The following GMDS variants were observed in gnomAD, a reference collection of about 807,000 sequenced individuals.
GMDS encodes the protein GDP-mannose 4,6 dehydratase.
A neutral mutation model predicts 49.9 loss-of-function variants in GMDS; 20 were observed. That is an observed-to-expected ratio of 0.40 (90% confidence interval 0.28 to 0.58). The LOEUF is 0.58. Ranked by LOEUF, GMDS falls within the 20% of genes least tolerant of loss-of-function variation. GMDS has a pLI of 0.42. For missense variants in GMDS, 362 were observed against 481.4 expected (o/e 0.75, Z 2.32); for synonymous variants, 177 against 178.6 (o/e 0.99, Z 0.07).
At chr6:2,018,736 T>A (rs1391311751) in intron 4 of GMDS, among the ~76,000 whole-genome samples, 4 of 152,224 alleles carry the variant, frequency 2.6e-5, no homozygotes, top group African/African-American at 9.6e-5. Context: ...TATCCATCAA[T>A]AAATGAACAT....
At chr6:2,055,670 A>G (rs530148184) in intron 4 of GMDS, among the ~76,000 whole-genome samples, 5 of 152,240 alleles carry the variant, frequency 3.3e-5, no homozygotes, top group South Asian at 4.1e-4. Flanking sequence ...TCCTTGCCAC[A>G]TTACCTAAAA....
At chr6:2,175,443 A>G (rs912153625) in intron 1 of GMDS, among the ~76,000 whole-genome samples, 25 of 152,224 alleles carry the variant, frequency 1.6e-4, no homozygotes, top group African/African-American at 5.8e-4. Flanking sequence ...TTACTATGTA[A>G]AAACTGTTAA....
At chr6:2,182,993 C>A (rs539473881) in intron 1 of GMDS, among the ~76,000 whole-genome samples, 11 of 152,280 alleles carry the variant, frequency 7.2e-5, no homozygotes, top group Non-Finnish European at 8.8e-5. Flanking sequence ...CAGGTGTGAG[C>A]CACCACGCCC....
rs1345916505 is a variant in GMDS at position 1,989,565 on chromosome 6, A to G, written c.346-28599T>C. ...TCTGCAGATTTGTAAGGAAAAATCC[A>G]AAAGACTTTGTTTAATCTTTGAAAC... On this transcript the variant is annotated intron_variant, in intron 4 of 10. Coordinates refer to ENST00000380815, the MANE Select transcript of GMDS (RefSeq NM_001500.4). Among the ~76,000 whole-genome samples, 4 of 152,236 alleles carry G rather than the reference A, an allele frequency of 2.6e-5. No individual in the cohort carries two copies. The East Asian group carries it at 7.7e-4, about 29-fold the overall frequency.
At chr6:1,949,370 C>T (rs968885489) in intron 6 of GMDS, among the ~76,000 whole-genome samples, 13 of 151,892 alleles carry the variant, frequency 8.6e-5, no homozygotes, top group African/African-American at 2.4e-5. Context: ...ATATATACTG[C>T]GTGGCTATAT....
intron 7 of GMDS, among the ~76,000 whole-genome samples, chr6:1,757,076 C>A (rs1371091516): frequency 6.6e-6 from 1 of 152,182 alleles, no homozygotes; most frequent in Non-Finnish European, 1.5e-5. Context: ...CTAATGTCAG[C>A]TGATTGTTTC....
intron 9 of GMDS, among the ~76,000 whole-genome samples, chr6:1,645,275 C>CA (rs1763452316): frequency 1.3e-5 from 2 of 152,208 alleles, no homozygotes; most frequent in African/African-American, 4.8e-5. Flanking sequence ...ACTTCCTTCC[C>CA]CAAACTGAAT....
chr6:2,143,039 A>G (rs539794791), intron 1 of GMDS, among the ~76,000 whole-genome samples: 1 of 152,104 alleles, frequency 6.6e-6, no homozygotes, highest in East Asian at 1.9e-4. Flanking sequence ...ATCAGACCCC[A>G]CTGTTTCCCA....
At chr6:1,873,752 G>C (rs1273868876) in intron 7 of GMDS, among the ~76,000 whole-genome samples, 1 of 152,178 alleles carries the variant, frequency 6.6e-6, no homozygotes, top group Non-Finnish European at 1.5e-5. Context: ...CCAGCTTGGT[G>C]AAAGACAAGC....
chr6:1,781,856 CT>C lies in GMDS; in HGVS notation c.772-39271del, dbSNP rs386405898. 5.1e-3 allele frequency among the ~76,000 whole-genome samples: 739 copies of C among 144,044 alleles called. 4 individuals carry two copies. Among genetic ancestry groups the C allele is most frequent in the Middle Eastern group, 0.011 (3 of 276 alleles). 94.5% of individuals were successfully genotyped at this position (144,044 alleles called of 152,430 possible). A position where few individuals can be genotyped will look rare whatever the true frequency, so the allele number is the denominator to read the frequency against. ...AACTGGTGCAATCCTCTCAAACCAA[CT>C]TTTTTTTTTTTTTGGCAAAAACTGA... is the stretch of plus-strand genomic sequence containing the variant. On this transcript the variant is annotated intron_variant, in intron 7 of 10. Transcript: ENST00000380815.
chr6:2,113,458 A>G (rs1424098492), intron 4 of GMDS, among the ~76,000 whole-genome samples: 1 of 149,388 alleles, frequency 6.7e-6, no homozygotes, highest in East Asian at 2.0e-4. Context: ...ACCTTACCTC[A>G]CACTTCTCCT....
chr6:2,064,216 A>C (rs190682626), intron 4 of GMDS, among the ~76,000 whole-genome samples: 28 of 152,344 alleles, frequency 1.8e-4, no homozygotes, highest in African/African-American at 6.5e-4. Flanking sequence ...AAGTGATACT[A>C]AAAGTTTAGA....
chr6:1,976,996 C>A (rs1024164520), intron 4 of GMDS, among the ~76,000 whole-genome samples: 1 of 151,994 alleles, frequency 6.6e-6, no homozygotes, highest in Non-Finnish European at 1.5e-5. Context: ...AAGCAAAGCA[C>A]CTGAAGACAA....
intron 1 of GMDS, among the ~76,000 whole-genome samples, chr6:2,181,385 C>T (rs987485665): frequency 1.3e-5 from 2 of 152,120 alleles, no homozygotes; most frequent in African/African-American, 4.8e-5. Flanking sequence ...TAACTCCTCC[C>T]TTTACTCACA....
chr6:2,000,932 C>G (rs1766778079), intron 4 of GMDS, among the ~76,000 whole-genome samples: 2 of 152,216 alleles, frequency 1.3e-5, no homozygotes, highest in African/African-American at 4.8e-5. Context: ...TATATTTTAG[C>G]TGCTATGAGT....
rs146588094 is a variant in GMDS at position 1,848,313 on chromosome 6, A to C, written c.771+81790T>G. ...GTGCCTCTGCTCATCTGTTCCCACC[A>C]CCCAGAATCCCAGGTGATTAAACGC... is the stretch of plus-strand genomic sequence containing the variant. On this transcript the variant is annotated intron_variant, in intron 7 of 10. Transcript: ENST00000380815. 5.8e-3 allele frequency among the ~76,000 whole-genome samples: 876 copies of C among 152,000 alleles called. 8 individuals are homozygous for C. The highest frequency in any genetic ancestry group is 0.02 in the African/African-American group (832 of 41,448).
rs527359191 is a variant in GMDS at position 2,005,134 on chromosome 6, A to T, written c.346-44168T>A. 2.0e-5 allele frequency among the ~76,000 whole-genome samples: 3 copies of T among 152,324 alleles called. No homozygotes were observed. In the East Asian group the frequency reaches 5.8e-4, roughly 29 times the overall value. ...TCTTGTTTGCACTATTAGTTTGCTT[A>T]GTGGAACTTTTTTCAGAGACTGTTA... On this transcript the variant is annotated intron_variant, in intron 4 of 10. Transcript: ENST00000380815.
intron 9 of GMDS, among the ~76,000 whole-genome samples, chr6:1,712,566 C>G (rs746011201): frequency 2.0e-5 from 3 of 152,208 alleles, no homozygotes; most frequent in Non-Finnish European, 1.5e-5. Context: ...CAAAATGTCA[C>G]TCACATGGAG....
At position 2,036,411 on chromosome 6, in the gene GMDS, G is replaced by GA. The variant is rs34309524; in HGVS notation, c.346-75446dup. On this transcript the variant is annotated intron_variant, in intron 4 of 10. Transcript: ENST00000380815. ...GATTCATTAATAGGTTTGCTAACTGGAAAAAAAAAATCACTGATTTTCAGA... is the reference window on the plus strand; with the variant it reads ...GATTCATTAATAGGTTTGCTAACTGGAAAAAAAAAAATCACTGATTTTCAGA... 1.5e-4 allele frequency among the ~76,000 whole-genome samples: 23 copies of GA among 149,990 alleles called. No individual in the cohort carries two copies. The East Asian group carries it at 1.7e-3, about 11-fold the overall frequency.
Sources: allele counts gnomAD v4.1 joint callset (sites outside exome capture counted in the v4.1 genomes callset), GRCh38; gene constraint gnomAD v4.1.1; transcripts MANE v1.5; gene names NCBI Gene and HGNC (gene_info 2026-07-23, HGNC 2026-07-21).